FGGY: variants seen among roughly 807,000 people sequenced by gnomAD.
FGGY encodes FGGY carbohydrate kinase domain-containing protein.
A neutral mutation model predicts 71.3 loss-of-function variants in FGGY; 72 were observed. The observed-to-expected ratio is 1.01, with a 90% CI of 0.84 to 1.23. FGGY has a LOEUF of 1.23. FGGY is among the 50% of genes most tolerant of loss of function. The probability of loss-of-function intolerance (pLI) is 0.00; values close to 1 mark genes in which losing one functional copy is unlikely to be tolerated. For missense variants in FGGY, 668 were observed against 682.3 expected, an observed-to-expected ratio of 0.98 and a Z score of 0.23; for synonymous variants, 251 against 250.3, an observed-to-expected ratio of 1.00 and a Z score of -0.02.
chr1:59,347,058 T>C (rs1404911171), intron 4 of FGGY, among the ~76,000 whole-genome samples: 1 of 151,358 alleles, frequency 6.6e-6, no homozygotes, highest in African/African-American at 2.4e-5. Flanking sequence ...TGTATCTTTT[T>C]GATGCCTTTA....
intron 5 of FGGY, among the ~76,000 whole-genome samples, chr1:59,393,606 T>A (rs1384609347): frequency 6.6e-6 from 1 of 152,084 alleles, no homozygotes; most frequent in Non-Finnish European, 1.5e-5. Context: ...CCTTCTCTCT[T>A]ACTTACTTTG....
intron 14 of FGGY, among the ~76,000 whole-genome samples, chr1:59,743,092 C>T (rs1399878567): frequency 6.6e-6 from 1 of 152,156 alleles, no homozygotes; most frequent in East Asian, 1.9e-4. Flanking sequence ...TGACCCCTGC[C>T]TTCATCTATA....
chr1:59,568,510 G>T (rs992536580), intron 8 of FGGY, among the ~76,000 whole-genome samples: 2 of 151,956 alleles, frequency 1.3e-5, no homozygotes, highest in African/African-American at 4.8e-5. Flanking sequence ...GTGTTTAGAT[G>T]AGGAAACTGA....
At chr1:59,447,066 G>A (rs529853317) in intron 5 of FGGY, among the ~76,000 whole-genome samples, 12 of 152,170 alleles carry the variant, frequency 7.9e-5, no homozygotes, top group African/African-American at 2.2e-4. Flanking sequence ...TGACCCTTTC[G>A]CTTTGTTTCT....
At chr1:59,599,041 G>T (rs1375756780) in intron 8 of FGGY, among the ~76,000 whole-genome samples, 1 of 152,196 alleles carries the variant, frequency 6.6e-6, no homozygotes. Flanking sequence ...AGAAGTCAGG[G>T]TTTATGGAAG....
chr1:59,557,510 T>C (rs1303799884), intron 8 of FGGY, among the ~76,000 whole-genome samples: 1 of 152,212 alleles, frequency 6.6e-6, no homozygotes, highest in Non-Finnish European at 1.5e-5. Flanking sequence ...AGAAAAAGCC[T>C]GAGGTTGAAC....
intron 10 of FGGY, among the ~76,000 whole-genome samples, chr1:59,637,624 G>A (rs543653994): frequency 2.7e-4 from 41 of 152,112 alleles, no homozygotes; most frequent in African/African-American, 9.6e-4. Context: ...AAGAAAAAAC[G>A]TACACAATGT....
intron 4 of FGGY, among the ~76,000 whole-genome samples, chr1:59,348,770 T>C (rs1359918856): frequency 6.6e-6 from 1 of 152,192 alleles, no homozygotes. Context: ...TTAGCTATTT[T>C]ATATATTGAG....
At position 59,726,089 on chromosome 1, in the gene FGGY, A is replaced by G. The variant is rs148018147; in HGVS notation, c.1513-31842A>G. Among the ~76,000 whole-genome samples, 178 of 152,228 alleles carry G rather than the reference A, an allele frequency of 1.2e-3. 1 individual carries two copies. Among genetic ancestry groups the G allele is most frequent in the African/African-American group, 4.0e-3 (168 of 41,546 alleles). On this transcript the variant is annotated intron_variant, in intron 14 of 15. Coordinates refer to ENST00000303721, the MANE Select transcript of FGGY (RefSeq NM_018291.5). Reference sequence around the variant, plus strand: ...TTTATCGAGGTGAGGAAAATCCCCTATATTCATAGTTTGCTGTGAATTTTT... The same window carrying G: ...TTTATCGAGGTGAGGAAAATCCCCTGTATTCATAGTTTGCTGTGAATTTTT...
intron 10 of FGGY, chr1:59,626,285 A>T (rs1348564629): frequency 2.4e-6 from 1 of 416,722 alleles, no homozygotes; most frequent in Non-Finnish European, 4.3e-6. Flanking sequence ...ATAGATAAGA[A>T]ACTCTGATGT....
At chr1:59,456,440 C>T (rs1460537041) in intron 5 of FGGY, among the ~76,000 whole-genome samples, 2 of 150,294 alleles carry the variant, frequency 1.3e-5, no homozygotes. Context: ...AAATAAAGGA[C>T]TGAAACTTTT....
At chr1:59,320,602 TC>T (rs773353673) in intron 1 of FGGY, among the ~76,000 whole-genome samples, 17 of 152,226 alleles carry the variant, frequency 1.1e-4, no homozygotes, top group Admixed American at 2.0e-4. Context: ...TCCTGAATGT[TC>T]TCTGGTCAGA....
chr1:59,545,273 G>C (rs962702829), intron 7 of FGGY, among the ~76,000 whole-genome samples: 2 of 152,188 alleles, frequency 1.3e-5, no homozygotes, highest in African/African-American at 4.8e-5. Flanking sequence ...GGAAGCATTT[G>C]TGTGCCTTCG....
rs550533062 is a variant in FGGY, at chr1:59,472,467, C to T, written c.670+15391C>T. Among the ~76,000 whole-genome samples, 143 of 152,334 alleles carry T rather than the reference C, an allele frequency of 9.4e-4. 2 individuals carry two copies. The South Asian group carries it at 0.028, about 30-fold the overall frequency. On this transcript the variant is annotated intron_variant, in intron 6 of 15. Coordinates refer to ENST00000303721, the MANE Select transcript of FGGY (RefSeq NM_018291.5). ...TCGACCACCCAAGGGCTGAGGAATG[C>T]GGGCGCACGGCGCGGGACTGGCAGG...
intron 8 of FGGY, among the ~76,000 whole-genome samples, chr1:59,580,860 A>G (rs1240197611): frequency 6.6e-6 from 1 of 152,166 alleles, no homozygotes; most frequent in East Asian, 1.9e-4. Flanking sequence ...TTTAGAGAAA[A>G]GCCCATCTAT....
intron 7 of FGGY, among the ~76,000 whole-genome samples, chr1:59,513,844 G>A (rs996629366): frequency 1.3e-5 from 2 of 152,178 alleles, no homozygotes; most frequent in Non-Finnish European, 2.9e-5. Flanking sequence ...TTATTAAATG[G>A]TGCCTTGTTC....
intron 14 of FGGY, among the ~76,000 whole-genome samples, chr1:59,690,553 T>A (rs538941997): frequency 6.6e-6 from 1 of 152,276 alleles, no homozygotes; most frequent in Admixed American, 6.5e-5. Flanking sequence ...TGTGCCCATC[T>A]CTTGCACCGC....
At chr1:59,361,723 C>T (rs556173060) in intron 4 of FGGY, among the ~76,000 whole-genome samples, 87 of 152,206 alleles carry the variant, frequency 5.7e-4, no homozygotes, top group African/African-American at 2.0e-3. Flanking sequence ...ACATTTTTCC[C>T]GACTCTTCTA....
intron 8 of FGGY, among the ~76,000 whole-genome samples, chr1:59,585,564 A>T (rs942269332): frequency 6.6e-6 from 1 of 152,220 alleles, no homozygotes; most frequent in Non-Finnish European, 1.5e-5. Context: ...AACTATAAAA[A>T]TCCTAGAAGA....
Sources: gnomAD v4.1 joint callset for allele counts (sites outside exome capture counted in the v4.1 genomes callset) on GRCh38, gnomAD v4.1.1 for gene constraint, MANE v1.5 for transcripts, NCBI Gene and HGNC (gene_info 2026-07-23, HGNC 2026-07-21) for gene names.